PROSER1: variants seen among roughly 807,000 people sequenced by gnomAD.
PROSER1 encodes the protein proline and serine rich 1.
In PROSER1, 36 loss-of-function variants were observed where a neutral mutation model predicts 71.8. The observed-to-expected ratio is 0.50, with a 90% CI of 0.38 to 0.66. The LOEUF (loss-of-function observed/expected upper bound fraction) is 0.66, where lower values mean the gene tolerates loss of function less well. Ranked by LOEUF, PROSER1 falls within the 30% of genes least tolerant of loss-of-function variation. The probability of loss-of-function intolerance (pLI) is 0.00; values close to 1 mark genes in which losing one functional copy is unlikely to be tolerated. For missense variants in PROSER1, 1,107 were observed against 1,135.0 expected (o/e 0.98, Z 0.35); for synonymous variants, 490 against 452.4 (o/e 1.08, Z -1.06).
In PROSER1 at chr13:39,016,669, T is replaced by C. The variant is rs563238075; in HGVS notation, c.775+831A>G. Among the ~76,000 whole-genome samples the C allele has an allele frequency of 4.6e-4, 70 of 152,298 alleles. 1 individual carries two copies. Among genetic ancestry groups the C allele is most frequent in the African/African-American group, 1.6e-3 (65 of 41,576 alleles). On this transcript the variant is annotated intron_variant, in intron 10 of 12. Coordinates refer to ENST00000352251, the MANE Select transcript of PROSER1 (RefSeq NM_025138.5). Reference sequence around the variant, plus strand: ...CAATCTCCTTTTCACTGGAGTTAAATTACCTGTTCAAGGTCACAAAACTAG... The same window carrying C: ...CAATCTCCTTTTCACTGGAGTTAAACTACCTGTTCAAGGTCACAAAACTAG...
At chr13:39,029,741 A>G (rs147398581) in intron 3 of PROSER1, among the ~76,000 whole-genome samples, 35 of 152,288 alleles carry the variant, frequency 2.3e-4, no homozygotes, top group Admixed American at 5.9e-4. Context: ...AGGTTAGAAA[A>G]ACATTACTAT....
In PROSER1 at chr13:39,029,247, T is replaced by TGAAGAA. The variant is rs1870705076; in HGVS notation, c.275+33_275+34insTTCTTC. ...AAACGCTTCTACATTTTTTCCCAAG[T>TGAAGAA]AAAAAAAAAAAAAAAAAAAAAAGAA... On this transcript the variant is annotated intron_variant, in intron 4 of 12. Transcript: ENST00000352251. The TGAAGAA allele has an allele frequency of 6.7e-6, 5 of 743,916 alleles. No homozygotes were observed. The African/African-American group carries it at 1.2e-4, about 17-fold the overall frequency. The allele number at this position is 743,916 out of a possible 1,614,324, so 46.1% of individuals were successfully genotyped here.
chr13:39,019,516 C>CAA (rs1183602451), intron 9 of PROSER1, among the ~76,000 whole-genome samples: 818 of 39,806 alleles, frequency 0.021, 25 homozygotes, highest in East Asian at 0.078. Flanking sequence ...AACTCTGTCT[C>CAA]AAAAAAAAAA....
intron 2 of PROSER1, 44 bp downstream of exon 2, chr13:39,034,087 T>C (rs779779686): frequency 1.5e-6 from 2 of 1,378,422 alleles, no homozygotes; most frequent in Admixed American, 4.8e-5. Flanking sequence ...ACCAGAACAT[T>C]GGTATAAAAA....
At chr13:39,026,787 T>A (rs1203187464) in intron 5 of PROSER1, among the ~76,000 whole-genome samples, 2 of 152,178 alleles carry the variant, frequency 1.3e-5, no homozygotes, top group East Asian at 3.9e-4. Flanking sequence ...TGGTCCCTGC[T>A]CTTTACAACC....
At chr13:39,035,716 T>G (rs79653748) in intron 1 of PROSER1, among the ~76,000 whole-genome samples, 13,960 of 152,246 alleles carry the variant, frequency 0.092, 766 homozygotes, top group African/African-American at 0.13. Context: ...TTATCTATCA[T>G]ATAAACTCAC....
intron 3 of PROSER1, among the ~76,000 whole-genome samples, chr13:39,030,073 T>C (rs1030129561): frequency 1.3e-5 from 2 of 152,194 alleles, no homozygotes; most frequent in Admixed American, 1.3e-4. Context: ...TTAGAATCAA[T>C]ATCCAAGAGC....
Position 39,029,269 on chromosome 13 carries a change from A to T in PROSER1, c.275+12T>A. ...AAGTAAAAAAAAAAAAAAAAAAAAA[A>T]GAAATACTTACGAGGCTAACAGTTC... On this transcript the variant is annotated intron_variant, in intron 4 of 12. Coordinates refer to ENST00000352251, the MANE Select transcript of PROSER1 (RefSeq NM_025138.5). 29 of 1,300,208 alleles carry T rather than the reference A, an allele frequency of 2.2e-5. No individual in the cohort carries two copies. The highest frequency in any genetic ancestry group is 2.9e-5 in the Non-Finnish European group (28 of 958,296). 80.5% of individuals were successfully genotyped at this position (1,300,208 alleles called of 1,614,324 possible). A position where few individuals can be genotyped will look rare whatever the true frequency, so the allele number is the denominator to read the frequency against.
chr13:39,013,539 C>T lies in PROSER1; in HGVS notation c.1713G>A (p.Val571=), dbSNP rs1368929563. 4.3e-6 allele frequency: 7 copies of T among 1,613,946 alleles called. No homozygotes were observed. The highest frequency in any genetic ancestry group is 2.7e-5 in the African/African-American group (2 of 74,884). The change falls in exon 11 of 13, where the codon GTG becomes GTA. Residue 571 remains valine (V), a synonymous_variant. Transcript: ENST00000352251. ...AGGCTGAGGAGCCACAGCTAACTGG[C>T]ACTGACGTGGAAGCTGATGCAGCAG... The part of the protein sequence containing the change: ...LATAASASTS[V]PVSCGSSASL...
rs530895120 is a variant in PROSER1 at position 39,012,320 on chromosome 13, G to A, written c.2562-87C>T. 5 of 1,407,636 alleles carry A rather than the reference G, an allele frequency of 3.6e-6. No homozygotes were observed. The African/African-American group carries it at 7.2e-5, about 20-fold the overall frequency. The allele number at this position is 1,407,636 out of a possible 1,614,324, so 87.2% of individuals were successfully genotyped here. ...TATTTGTCAAATACAATCTTAAAAT[G>A]TTAAAAACAAAACAAAAACCTTAGA... On this transcript the variant is annotated intron_variant, in intron 11 of 12. Coordinates refer to ENST00000352251, the MANE Select transcript of PROSER1 (RefSeq NM_025138.5).
intron 9 of PROSER1, among the ~76,000 whole-genome samples, chr13:39,018,775 G>A (rs946042949): frequency 1.3e-5 from 2 of 151,898 alleles, no homozygotes; most frequent in African/African-American, 4.8e-5. Flanking sequence ...AAAAGCAGAG[G>A]AAAATGCAAC....
chr13:39,021,319 T>C (rs1260805886), intron 9 of PROSER1, among the ~76,000 whole-genome samples: 1 of 152,232 alleles, frequency 6.6e-6, no homozygotes, highest in African/African-American at 2.4e-5. Flanking sequence ...GTTCCTTTGC[T>C]GAGTCAGAAA....
In PROSER1 at chr13:39,010,654, G is replaced by A. The variant is rs1869598100; in HGVS notation, c.*711C>T. On this transcript the variant is annotated 3_prime_UTR_variant, in exon 13 of 13. Coordinates refer to ENST00000352251, the MANE Select transcript of PROSER1 (RefSeq NM_025138.5). ...TTCTTCACTCACTGGATACTGCTGA[G>A]ATTAGGAAAACTGTTTTGAAGGCAA... 1 of 152,654 alleles carries A rather than the reference G, an allele frequency of 6.6e-6. No individual in the cohort carries two copies. The highest frequency in any genetic ancestry group is 2.4e-5 in the African/African-American group (1 of 41,448). The allele number at this position is 152,654 out of a possible 1,614,324, so 9.5% of individuals were successfully genotyped here. A position where few individuals can be genotyped will look rare whatever the true frequency, so the allele number is the denominator to read the frequency against.
rs985202065 is a variant in PROSER1, at chr13:39,034,200, A to G, written c.46-4T>C. The G allele has an allele frequency of 5.9e-6, 9 of 1,517,808 alleles. No homozygotes were observed. The highest frequency in any genetic ancestry group is 8.0e-6 in the Non-Finnish European group (9 of 1,124,306). The allele number at this position is 1,517,808 out of a possible 1,614,324, so 94.0% of individuals were successfully genotyped here. A position where few individuals can be genotyped will look rare whatever the true frequency, so the allele number is the denominator to read the frequency against. The stretch of plus-strand genomic sequence containing the variant: ...ATTTGTATTCTGTCAAAACAGCCTA[A>G]AAAAAAAAAACACACACACACAGAG... On this transcript the variant is annotated splice_region_variant and splice_polypyrimidine_tract_variant and intron_variant, in intron 1 of 12. Transcript: ENST00000352251.
At chr13:39,026,537 G>T in intron 5 of PROSER1, 150 bp from the exon 6 acceptor site, 1 of 492,322 alleles carries the variant, frequency 2.0e-6, no homozygotes, top group Non-Finnish European at 3.6e-6. Context: ...AGTGGTGAAT[G>T]TGACCAAAAG....
In PROSER1 at chr13:39,011,278, T is replaced by C. The variant is rs1324007453; in HGVS notation, c.*87A>G. The C allele has an allele frequency of 4.3e-6, 6 of 1,391,018 alleles. No individual in the cohort carries two copies. The East Asian group carries it at 1.2e-4, about 27-fold the overall frequency. 86.2% of individuals were successfully genotyped at this position (1,391,018 alleles called of 1,614,324 possible). A position where few individuals can be genotyped will look rare whatever the true frequency, so the allele number is the denominator to read the frequency against. ...ACCCTCATTCTCATTTTCCGACTTT[T>C]GGCCAGCTTCACATTTGTCAGATTG... On this transcript the variant is annotated 3_prime_UTR_variant, in exon 13 of 13. Transcript: ENST00000352251.
chr13:39,034,674 T>C (rs1162013210), intron 1 of PROSER1, among the ~76,000 whole-genome samples: 3 of 152,208 alleles, frequency 2.0e-5, no homozygotes, highest in Admixed American at 6.5e-5. Flanking sequence ...AGTATTTCTA[T>C]AGGGACATAA....
At position 39,028,181 on chromosome 13, in the gene PROSER1, C is replaced by T. The variant is rs749300890; in HGVS notation, c.369+46G>A. 31 of 1,036,028 alleles carry T rather than the reference C, an allele frequency of 3.0e-5. No homozygotes were observed. The East Asian group carries it at 6.5e-4, about 22-fold the overall frequency. The allele number at this position is 1,036,028 out of a possible 1,614,324, so 64.2% of individuals were successfully genotyped here. ...AAGGTGCTTTTTCGTCTTCAATATT[C>T]GGAAAAACCAGCGTACCAAGTACAT... On this transcript the variant is annotated intron_variant, in intron 5 of 12. Coordinates refer to ENST00000352251, the MANE Select transcript of PROSER1 (RefSeq NM_025138.5).
At chr13:39,037,122 C>T in intron 1 of PROSER1, 76 bp downstream of exon 1, 1 of 1,118,968 alleles carries the variant, frequency 8.9e-7, no homozygotes, top group Non-Finnish European at 1.4e-6. Flanking sequence ...TGCACAATCT[C>T]CATACAGTAC....
Sources: gnomAD v4.1 joint callset for allele counts (sites outside exome capture counted in the v4.1 genomes callset) on GRCh38, gnomAD v4.1.1 for gene constraint, MANE v1.5 for transcripts, NCBI Gene and HGNC (gene_info 2026-07-23, HGNC 2026-07-21) for gene names.